Variants in DOCK2 observed in about 807,000 individuals in gnomAD.
The protein encoded by DOCK2 is dedicator of cytokinesis protein 2.
DOCK2 carries 87 observed loss-of-function variants against 248.9 expected under a neutral mutation model. That is an observed-to-expected ratio of 0.35 (90% CI 0.29 to 0.42). The LOEUF (loss-of-function observed/expected upper bound fraction) is 0.42, where lower values mean the gene tolerates loss of function less well. Ranked by LOEUF, DOCK2 falls within the 10% of genes least tolerant of loss-of-function variation. The pLI is 1.00. For missense variants in DOCK2, 1,747 were observed against 2,300.2 expected (o/e 0.76, Z 4.92); for synonymous variants, 805 against 821.6 (o/e 0.98, Z 0.35).
At chr5:169,663,626 G>A (rs1347428417) in intron 2 of DOCK2, among the ~76,000 whole-genome samples, 1 of 152,230 alleles carries the variant, frequency 6.6e-6, no homozygotes. Flanking sequence ...CCACATGAAA[G>A]CCACCAAATC....
In DOCK2 at chr5:170,003,460, C is replaced by T. The variant is rs368424288; in HGVS notation, c.3073-5037C>T. Among the ~76,000 whole-genome samples, 10 of 152,366 alleles carry T rather than the reference C, an allele frequency of 6.6e-5. No individual in the cohort carries two copies. In the South Asian group the frequency reaches 1.5e-3, roughly 22 times the overall value. On this transcript the variant is annotated intron_variant, in intron 30 of 51. Coordinates refer to ENST00000520908, the MANE Select transcript of DOCK2 (RefSeq NM_004946.3). Reference sequence around the variant, plus strand: ...AACAGTGGACTAACATCCATGGTTGCACACAATAAGTGCTCCTCAAATCAG... The same window carrying T: ...AACAGTGGACTAACATCCATGGTTGTACACAATAAGTGCTCCTCAAATCAG...
intron 45 of DOCK2, among the ~76,000 whole-genome samples, chr5:170,068,450 A>G (rs1757570504): frequency 6.6e-6 from 1 of 152,220 alleles, no homozygotes. Flanking sequence ...TATGTTATCC[A>G]TTGATGTAAA....
In DOCK2 at chr5:169,765,598, T is replaced by TC. The variant is rs1313731185; in HGVS notation, c.2554+3974dup. Among the ~76,000 whole-genome samples, 3 of 152,232 alleles carry TC rather than the reference T, an allele frequency of 2.0e-5. No homozygotes were observed. In the East Asian group the frequency reaches 5.8e-4, roughly 29 times the overall value. On this transcript the variant is annotated intron_variant, in intron 25 of 51. Coordinates refer to ENST00000520908, the MANE Select transcript of DOCK2 (RefSeq NM_004946.3). Reference sequence around the variant, plus strand: ...ATGTGTCTTTTTAGTCTGATGCTAATCAGAGGCACCATCTGGTTCAGTGTA... The same window carrying TC: ...ATGTGTCTTTTTAGTCTGATGCTAATCCAGAGGCACCATCTGGTTCAGTGTA...
chr5:170,039,732 A>G (rs2113842407), intron 36 of DOCK2, among the ~76,000 whole-genome samples: 1 of 152,326 alleles, frequency 6.6e-6, no homozygotes, highest in East Asian at 1.9e-4. Context: ...TCCCAAAAGG[A>G]AAATAAACCA....
At chr5:169,777,335 T>C (rs965233878) in intron 25 of DOCK2, among the ~76,000 whole-genome samples, 2 of 152,176 alleles carry the variant, frequency 1.3e-5, no homozygotes, top group African/African-American at 4.8e-5. Flanking sequence ...TGTGTCTGTG[T>C]GTGGACGTTC....
chr5:169,689,135 T>C, intron 8 of DOCK2, 117 bp from the exon 9 acceptor site: 1 of 891,028 alleles, frequency 1.1e-6, no homozygotes. Context: ...CTTAAACACC[T>C]GCATACCCCC....
intron 27 of DOCK2, among the ~76,000 whole-genome samples, chr5:169,848,489 G>A (rs570148525): frequency 3.0e-4 from 45 of 152,348 alleles, no homozygotes; most frequent in Non-Finnish European, 5.3e-4. Context: ...ACCCTCCCTG[G>A]CTGATGCATC....
intron 24 of DOCK2, chr5:169,761,301 A>T: frequency 2.0e-6 from 1 of 506,428 alleles, no homozygotes; most frequent in South Asian, 2.6e-5. Context: ...GCTCAGGGCT[A>T]TGGGTATTTT....
rs200525533 is a variant in DOCK2, at chr5:169,744,194, TC to T, written c.2268-3201del. The stretch of plus-strand genomic sequence containing the variant: ...TAGAAGAAGAATACCAGGTTCTGGT[TC>T]AAGCTATATCATTGGCACAGTCTGT... On this transcript the variant is annotated intron_variant, in intron 22 of 51. Transcript: ENST00000520908. 1.2e-4 allele frequency among the ~76,000 whole-genome samples: 19 copies of T among 152,272 alleles called. 1 individual carries two copies. In the East Asian group the frequency reaches 3.7e-3, roughly 29 times the overall value.
chr5:169,821,143 T>C (rs958599448), intron 26 of DOCK2, among the ~76,000 whole-genome samples: 2 of 152,178 alleles, frequency 1.3e-5, no homozygotes, highest in African/African-American at 4.8e-5. Context: ...CTACGTCTGA[T>C]TGGTGTACCT....
intron 22 of DOCK2, among the ~76,000 whole-genome samples, chr5:169,746,812 T>A (rs1763641362): frequency 1.3e-5 from 2 of 152,250 alleles, no homozygotes; most frequent in African/African-American, 2.4e-5. Context: ...TAATGAGGAG[T>A]CTCACCTTCT....
At chr5:169,855,591 G>A (rs1770846724) in intron 27 of DOCK2, among the ~76,000 whole-genome samples, 1 of 152,190 alleles carries the variant, frequency 6.6e-6, no homozygotes, top group Non-Finnish European at 1.5e-5. Context: ...CTTAGAGAGA[G>A]GCCCCAGGCA....
chr5:169,954,579 C>G (rs904446953), intron 27 of DOCK2, among the ~76,000 whole-genome samples: 6 of 152,222 alleles, frequency 3.9e-5, no homozygotes, highest in African/African-American at 1.4e-4. Context: ...ATAAGCTTAT[C>G]CATCCCTGTT....
chr5:169,702,600 A>C, intron 14 of DOCK2, 173 bp downstream of exon 14: 1 of 834,914 alleles, frequency 1.2e-6, no homozygotes, highest in South Asian at 2.2e-5. Flanking sequence ...GTTCCATAAT[A>C]AGACCTTGTG....
rs557451931 is a variant in DOCK2, at chr5:169,996,029, C to T, written c.2994-57C>T. The T allele has an allele frequency of 6.1e-5, 97 of 1,580,160 alleles. No individual in the cohort carries two copies. In the Admixed American group the frequency reaches 6.6e-4, roughly 11 times the overall value. On this transcript the variant is annotated intron_variant, in intron 29 of 51. Coordinates refer to ENST00000520908, the MANE Select transcript of DOCK2 (RefSeq NM_004946.3). ...AGGGAATTTTAGTCTGGCATAAGGA[C>T]GAAGGAACTTAAGGGATCATGCTCA...
intron 2 of DOCK2, among the ~76,000 whole-genome samples, chr5:169,659,986 G>A (rs375955190): frequency 6.6e-6 from 1 of 152,176 alleles, no homozygotes; most frequent in South Asian, 2.1e-4. Flanking sequence ...GTTTGAACAA[G>A]ACCTGGGGAA....
At chr5:169,648,145 A>G (rs1036280040) in intron 1 of DOCK2, among the ~76,000 whole-genome samples, 5 of 152,168 alleles carry the variant, frequency 3.3e-5, no homozygotes, top group Non-Finnish European at 7.4e-5. Context: ...ATGATGTTTC[A>G]GAGCAGGGTT....
chr5:169,940,383 C>G (rs1187601316), intron 27 of DOCK2, among the ~76,000 whole-genome samples: 2 of 152,210 alleles, frequency 1.3e-5, no homozygotes, highest in Non-Finnish European at 2.9e-5. Flanking sequence ...GGTCTCCAAC[C>G]TTTTTGGCAC....
intron 26 of DOCK2, among the ~76,000 whole-genome samples, chr5:169,808,138 A>G (rs1159299857): frequency 6.6e-6 from 1 of 152,170 alleles, no homozygotes; most frequent in African/African-American, 2.4e-5. Context: ...TGACAAGAGC[A>G]TAGCCATTTT....
Sources: allele counts gnomAD v4.1 joint callset (sites outside exome capture counted in the v4.1 genomes callset), GRCh38; gene constraint gnomAD v4.1.1; transcripts MANE v1.5; gene names NCBI Gene and HGNC (gene_info 2026-07-23, HGNC 2026-07-21).